The following SEMA5B variants were observed in gnomAD, a reference collection of about 807,000 sequenced individuals.
SEMA5B encodes semaphorin 5B.
Under a neutral mutation model 135.0 loss-of-function variants are expected in SEMA5B, and 66 were observed. The ratio of observed to expected loss-of-function variants is 0.49; its 90% CI spans 0.40 to 0.60. The LOEUF (loss-of-function observed/expected upper bound fraction) is 0.60. Ranked by LOEUF, SEMA5B falls within the 20% of genes least tolerant of loss-of-function variation. SEMA5B has a pLI of 0.00. For missense variants in SEMA5B, 1,501 were observed against 1,566.3 expected (o/e 0.96, Z 0.70); for synonymous variants, 690 against 639.5 (o/e 1.08, Z -1.19).
At chr3:123,007,690 C>T (rs971362657) in intron 1 of SEMA5B, among the ~76,000 whole-genome samples, 6 of 152,162 alleles carry the variant, frequency 3.9e-5, no homozygotes, top group African/African-American at 9.7e-5. Flanking sequence ...CCCTGCACCA[C>T]CTTGGGATTC....
intron 12 of SEMA5B, among the ~76,000 whole-genome samples, chr3:122,920,684 A>G (rs1938301382): frequency 6.6e-6 from 1 of 152,190 alleles, no homozygotes; most frequent in Non-Finnish European, 1.5e-5. Context: ...TAGTTGTTCA[A>G]GATCATACGG....
intron 9 of SEMA5B, among the ~76,000 whole-genome samples, chr3:122,924,277 A>G (rs899353225): frequency 6.6e-6 from 1 of 152,198 alleles, no homozygotes; most frequent in Non-Finnish European, 1.5e-5. Flanking sequence ...TCACAGAAGC[A>G]TGTTTCCATG....
At position 122,926,560 on chromosome 3, in the gene SEMA5B, T is replaced by C; in HGVS notation, c.968A>G (p.Lys323Arg). 1.2e-6 allele frequency: 2 copies of C among 1,614,198 alleles called. No homozygotes were observed. The highest frequency in any genetic ancestry group is 2.2e-5 in the East Asian group (1 of 44,878). ...CAGGAATCGGCCCCCCACGTCATTC[T>C]TGCACACGCGGGCCACGCGAGAGTA... ...TVYSRVARVC[K>R]NDVGGRFLLE... is the part of the protein sequence containing the mutation. The change falls in exon 9 of 23, where the codon AAG (lysine) becomes AGG (arginine). Residue 323 changes from lysine (K) to arginine (R), a missense_variant. This residue lies in a region of SEMA5B where 574 missense variants were observed against 684.7 expected (regional missense o/e 0.84). Coordinates refer to ENST00000357599, the MANE Select transcript of SEMA5B (RefSeq NM_001031702.4).
At chr3:122,988,661 C>G (rs915353143) in intron 1 of SEMA5B, among the ~76,000 whole-genome samples, 2 of 152,244 alleles carry the variant, frequency 1.3e-5, no homozygotes, top group Non-Finnish European at 2.9e-5. Flanking sequence ...CCTGCTGCTT[C>G]CAGCTGTGAC....
At chr3:122,920,265 C>A (rs556190194) in intron 12 of SEMA5B, among the ~76,000 whole-genome samples, 2 of 152,256 alleles carry the variant, frequency 1.3e-5, no homozygotes, top group African/African-American at 2.4e-5. Context: ...ACTCCTCTCA[C>A]GCCAAAGAGT....
chr3:122,991,782 T>C (rs1941884448), intron 1 of SEMA5B, among the ~76,000 whole-genome samples: 2 of 152,158 alleles, frequency 1.3e-5, no homozygotes, highest in South Asian at 4.2e-4. Context: ...CTCTGGAAAG[T>C]TGGAAATGTT....
Position 122,980,643 on chromosome 3 carries a change from T to G in SEMA5B, c.-38-19342A>C, listed in dbSNP as rs542638932. 3.9e-5 allele frequency among the ~76,000 whole-genome samples: 6 copies of G among 152,306 alleles called. No homozygotes were observed. In the South Asian group the frequency reaches 1.2e-3, roughly 32 times the overall value. ...TGGGCAATGGCCCAAATTATTATTA[T>G]TTTTATTGTGGTGAAGTATCCATAA... On this transcript the variant is annotated intron_variant, in intron 1 of 22. Coordinates refer to ENST00000357599, the MANE Select transcript of SEMA5B (RefSeq NM_001031702.4).
intron 4 of SEMA5B, among the ~76,000 whole-genome samples, chr3:122,943,229 T>C (rs1939639705): frequency 6.6e-6 from 1 of 152,078 alleles, no homozygotes; most frequent in Non-Finnish European, 1.5e-5. Context: ...CTGGCTGAGA[T>C]TGCGAGGTCA....
intron 1 of SEMA5B, among the ~76,000 whole-genome samples, chr3:123,015,984 C>T (rs1008584153): frequency 3.9e-5 from 6 of 152,202 alleles, no homozygotes; most frequent in African/African-American, 1.4e-4. Flanking sequence ...CACAGGGACT[C>T]ATAGGCCTCA....
chr3:122,913,519 G>T lies in SEMA5B; in HGVS notation c.2280+15C>A. The T allele has an allele frequency of 6.2e-7, 1 of 1,606,036 alleles. No individual in the cohort carries two copies. The highest frequency in any genetic ancestry group is 1.1e-5 in the South Asian group (1 of 90,256). ...ACCCTACACCGCGCCCCTGGCCCAC[G>T]GCCCCAACCCTCACCACGCCGCAGC... On this transcript the variant is annotated intron_variant, in intron 16 of 22. Coordinates refer to ENST00000357599, the MANE Select transcript of SEMA5B (RefSeq NM_001031702.4).
At position 122,933,737 on chromosome 3, in the gene SEMA5B, C is replaced by T. The variant is rs369023985; in HGVS notation, c.475-4679G>A. ...TTTCTGATATTTCTCTCCTATGTTT[C>T]ATTTCTTTTTTGTTGTTCTGGTAGG... On this transcript the variant is annotated intron_variant, in intron 5 of 22. Transcript: ENST00000357599. 1.2e-4 allele frequency among the ~76,000 whole-genome samples: 19 copies of T among 152,146 alleles called. 1 individual carries two copies. The South Asian group carries it at 1.7e-3, about 13-fold the overall frequency.
chr3:122,939,420 CG>C lies in SEMA5B; in HGVS notation c.474+4del. 1 of 1,607,674 alleles carries C rather than the reference CG, an allele frequency of 6.2e-7. No individual in the cohort carries two copies. The highest frequency in any genetic ancestry group is 2.2e-5 in the East Asian group (1 of 44,842). On this transcript the variant is annotated splice_donor_region_variant and intron_variant, in intron 5 of 22. Transcript: ENST00000357599. ...TAGGAAGGGAAGGGAAGAAAGCAAT[CG>C]TACCTGAAGAAGAGAGACATTGGCA...
At chr3:122,911,426 AC>A (rs1421702233) in intron 21 of SEMA5B, 64 bp downstream of exon 21, 1 of 1,575,858 alleles carries the variant, frequency 6.3e-7, no homozygotes, top group East Asian at 2.3e-5. Flanking sequence ...AAGAGTCCAG[AC>A]TTTGGAGTGG....
At chr3:122,993,851 C>G (rs996578646) in intron 1 of SEMA5B, among the ~76,000 whole-genome samples, 1 of 151,760 alleles carries the variant, frequency 6.6e-6, no homozygotes, top group African/African-American at 2.4e-5. Flanking sequence ...TGGGGAACAA[C>G]TTTGGAAGAA....
chr3:122,942,204 G>T (rs1352215901), intron 4 of SEMA5B, among the ~76,000 whole-genome samples: 1 of 152,216 alleles, frequency 6.6e-6, no homozygotes, highest in African/African-American at 2.4e-5. Flanking sequence ...TGGTGGCACA[G>T]AGACTGTAAC....
intron 1 of SEMA5B, among the ~76,000 whole-genome samples, chr3:123,019,716 G>A (rs892987942): frequency 4.6e-5 from 7 of 152,186 alleles, no homozygotes; most frequent in African/African-American, 7.2e-5. Flanking sequence ...CTGTTTTTAC[G>A]GAACACTAGC....
intron 1 of SEMA5B, among the ~76,000 whole-genome samples, chr3:123,023,553 G>C (rs1287088228): frequency 6.6e-6 from 1 of 152,130 alleles, no homozygotes; most frequent in Non-Finnish European, 1.5e-5. Flanking sequence ...TAGGTGTTTA[G>C]CTTTGATGAG....
chr3:122,938,136 T>C (rs1939383741), intron 5 of SEMA5B, among the ~76,000 whole-genome samples: 1 of 152,238 alleles, frequency 6.6e-6, no homozygotes, highest in African/African-American at 2.4e-5. Flanking sequence ...TGATCCCTTA[T>C]GTGCATATTC....
rs1937608277 is a variant in SEMA5B, at chr3:122,909,834, C to A, written c.*309G>T. 3.7e-6 allele frequency: 1 copy of A among 268,242 alleles called. No homozygotes were observed. The highest frequency in any genetic ancestry group is 7.0e-6 in the Non-Finnish European group (1 of 143,314). The allele number at this position is 268,242 out of a possible 1,614,324, so 16.6% of individuals were successfully genotyped here. On this transcript the variant is annotated 3_prime_UTR_variant, in exon 23 of 23. Coordinates refer to ENST00000357599, the MANE Select transcript of SEMA5B (RefSeq NM_001031702.4). Reference sequence around the variant, plus strand: ...CTCTTGCCATCTCCATTCTCCAATTCCTCAAATGCCCAGTAGGTCCACAGC... The same window carrying A: ...CTCTTGCCATCTCCATTCTCCAATTACTCAAATGCCCAGTAGGTCCACAGC...
Sources: gnomAD v4.1 joint callset for allele counts (sites outside exome capture counted in the v4.1 genomes callset) on GRCh38, gnomAD v4.1.1 for gene constraint, gnomAD v4.1.1 regional missense constraint, MANE v1.5 for transcripts, NCBI Gene and HGNC (gene_info 2026-07-23, HGNC 2026-07-21) for gene names.